The following PKD1 variants were observed in gnomAD, a reference collection of about 807,000 sequenced individuals.
PKD1 encodes polycystin 1, transient receptor potential channel interacting.
In PKD1, 81 loss-of-function variants were observed where a neutral mutation model predicts 361.7. That is an observed-to-expected ratio of 0.22 (90% confidence interval 0.19 to 0.27). PKD1 has a LOEUF of 0.27. Ranked by LOEUF, PKD1 falls within the 10% of genes least tolerant of loss-of-function variation. The probability of loss-of-function intolerance (pLI) is 1.00; values close to 1 mark genes in which losing one functional copy is unlikely to be tolerated. For synonymous variants in PKD1, 3,615 were observed against 2,818.3 expected, an observed-to-expected ratio of 1.28 and a Z score of -8.95; for missense variants, 6,399 against 6,118.3, an observed-to-expected ratio of 1.05 and a Z score of -1.53.
rs1234795215 is a variant in PKD1 at position 2,090,815 on chromosome 16, A to T, written c.12004-7T>A. ...AGCGTAGCTGCTGGGCAGCCTGCGG[A>T]CGAGAAATCTGTCTGCTTGCAGCCC... On this transcript the variant is annotated splice_region_variant and splice_polypyrimidine_tract_variant and intron_variant, in intron 43 of 45. Transcript: ENST00000262304. 1.2e-6 allele frequency: 2 copies of T among 1,612,242 alleles called. No individual in the cohort carries two copies. The highest frequency in any genetic ancestry group is 4.5e-5 in the East Asian group (2 of 44,876).
chr16:2,093,859 G>A lies in PKD1; in HGVS notation c.10773C>T (p.Ser3591=), dbSNP rs1168845943. 19 of 1,568,860 alleles carry A rather than the reference G, an allele frequency of 1.2e-5. No individual in the cohort carries two copies. The highest frequency in any genetic ancestry group is 1.5e-5 in the Non-Finnish European group (18 of 1,163,278). The change falls in exon 36 of 46, where the codon TCC becomes TCT. Residue 3591 remains serine, a synonymous_variant. Coordinates refer to ENST00000262304, the MANE Select transcript of PKD1 (RefSeq NM_001009944.3). The part of the protein sequence containing the change: ...PPGVSVAWLL[S]SSASFLASFL... ...ATGAGGCCAGGAAGCTGGCGCTGCT[G>A]GACAGGAGCCACGCAACACTCACGC... is the stretch of plus-strand genomic sequence containing the variant.
At position 2,118,341 on chromosome 16, in the gene PKD1, G is replaced by A. The variant is rs1305013875; in HGVS notation, c.651C>T (p.Thr217=). ...PEACSAFCFS[T]GQGLAALSEQ... is the part of the protein sequence containing the mutation. Reference sequence around the variant, plus strand: ...CCGAGAGGGCTGCGAGGCCCTGGCCGGTGGAGAAGCAGAAGGCGCTGCAGG... The same window carrying A: ...CCGAGAGGGCTGCGAGGCCCTGGCCAGTGGAGAAGCAGAAGGCGCTGCAGG... The change falls in exon 5 of 46, where the codon ACC becomes ACT. Residue 217 remains threonine, a synonymous_variant. Coordinates refer to ENST00000262304, the MANE Select transcript of PKD1 (RefSeq NM_001009944.3). This position sits in a 1 kb window ranked among gnomAD's most constrained non-coding sequence, Gnocchi z 6.0. 67 of 1,458,144 alleles carry A rather than the reference G, an allele frequency of 4.6e-5. No individual in the cohort carries two copies. Among genetic ancestry groups the A allele is most frequent in the Admixed American group, 7.9e-5 (4 of 50,866 alleles). The allele number at this position is 1,458,144 out of a possible 1,614,324, so 90.3% of individuals were successfully genotyped here.
At chr16:2,101,885 C>T (rs1341107507) in intron 26 of PKD1, 176 bp downstream of exon 26, 7 of 641,286 alleles carry the variant, frequency 1.1e-5, no homozygotes, top group African/African-American at 3.6e-5. Flanking sequence ...CTGTCCTAGT[C>T]CTCAGGGACA....
Position 2,105,938 on chromosome 16 carries a change from G to A in PKD1, c.7790C>T (p.Pro2597Leu), listed in dbSNP as rs769133138. The change falls in exon 20 of 46, where the codon CCA becomes CTA. Residue 2597 changes from proline (P) to leucine (L), a missense_variant. By Grantham distance (98) the Pro-to-Leu change is moderately conservative. Transcript: ENST00000262304. Reference sequence around the variant, plus strand: ...GGGATCGGCCTGCCGCAGCAGCCCTGGGAGCACACTAGCGGTGAGCCCGTG... The same window carrying A: ...GGGATCGGCCTGCCGCAGCAGCCCTAGGAGCACACTAGCGGTGAGCCCGTG... The part of the protein sequence containing the change: ...WLHGLTASVL[P>L]GLLRQADPQH... 1.9e-5 allele frequency: 30 copies of A among 1,598,240 alleles called. No homozygotes were observed. The highest frequency in any genetic ancestry group is 2.5e-5 in the Non-Finnish European group (29 of 1,179,660).
chr16:2,120,216 A>T (rs1339679993), intron 1 of PKD1: 1 of 267,048 alleles, frequency 3.7e-6, no homozygotes, highest in Non-Finnish European at 7.1e-6. Context: ...TACCTCAAAA[A>T]TAAATAAATA....
chr16:2,110,303 C>A lies in PKD1; in HGVS notation c.4864G>T (p.Asp1622Tyr). 6.2e-7 allele frequency: 1 copy of A among 1,612,648 alleles called. No homozygotes were observed. The highest frequency in any genetic ancestry group is 8.5e-7 in the Non-Finnish European group (1 of 1,179,852). Residue 1622 changes from aspartate (D) to tyrosine (Y), a missense_variant, in exon 15 of 46, where the codon GAC becomes TAC. Transcript: ENST00000262304. Reference sequence around the variant, plus strand: ...TGCAGGACATAGACGAAGATGCTGTCCTGGGCGGAGCCCACCTCGTTCTCA... The same window carrying A: ...TGCAGGACATAGACGAAGATGCTGTACTGGGCGGAGCCCACCTCGTTCTCA... ...TAENEVGSAQ[D>Y]SIFVYVLQLI...
Position 2,092,786 on chromosome 16 carries a change from G to C in PKD1, c.11156+168C>G, listed in dbSNP as rs1403508968. On this transcript the variant is annotated intron_variant, in intron 38 of 45. Coordinates refer to ENST00000262304, the MANE Select transcript of PKD1 (RefSeq NM_001009944.3). ...CATGGGCCCGTCCTGTGCACTGCAA[G>C]ACACGGACCTGTGTCCCTCCCCTCT... 12 of 894,110 alleles carry C rather than the reference G, an allele frequency of 1.3e-5. No individual in the cohort carries two copies. The East Asian group carries it at 2.7e-4, about 20-fold the overall frequency. 55.4% of individuals were successfully genotyped at this position (894,110 alleles called of 1,614,324 possible).
At position 2,117,659 on chromosome 16, in the gene PKD1, G is replaced by A; in HGVS notation, c.1215C>T (p.Leu405=). 6.2e-7 allele frequency: 1 copy of A among 1,610,260 alleles called. No individual in the cohort carries two copies. Among genetic ancestry groups the A allele is most frequent in the Non-Finnish European group, 8.5e-7 (1 of 1,179,396 alleles). The part of the protein sequence containing the change: ...GEEPARAVHP[L]CPSDTEIFPG... ...GGAAGATCTCCGTGTCCGAGGGGCA[G>A]AGCGGGTGCACCGCTGGAGACCGGT... The change falls in exon 6 of 46, where the codon CTC becomes CTT. Residue 405 remains leucine (L), a synonymous_variant. Coordinates refer to ENST00000262304, the MANE Select transcript of PKD1 (RefSeq NM_001009944.3).
Position 2,119,529 on chromosome 16 carries a change from T to C in PKD1, c.216-151A>G. The C allele has an allele frequency of 4.3e-6, 3 of 699,480 alleles. No individual in the cohort carries two copies. The South Asian group carries it at 4.5e-5, about 10-fold the overall frequency. The allele number at this position is 699,480 out of a possible 1,614,324, so 43.3% of individuals were successfully genotyped here. ...CAGAGGTCAGGAGGGGACTTTCTGA[T>C]GGAAGACCCAAATGAACACTCATCT... On this transcript the variant is annotated intron_variant, in intron 1 of 45. Coordinates refer to ENST00000262304, the MANE Select transcript of PKD1 (RefSeq NM_001009944.3).
At chr16:2,090,621 A>ACAGCTGAGCT (rs1360984410) in intron 44 of PKD1, 31 bp from the exon 45 acceptor site, 2 of 1,609,060 alleles carry the variant, frequency 1.2e-6, no homozygotes, top group Non-Finnish European at 1.7e-6. Context: ...GTGAGGGCGT[A>ACAGCTGAGCT]CAGCTGAGCT....
In PKD1 at chr16:2,114,196, C is replaced by A; in HGVS notation, c.2827G>T (p.Ala943Ser). ...CGLRATPSPE[A>S]RVLQGVLVRY... Reference sequence around the variant, plus strand: ...ACTAGGACTCCCTGCAGTACACGGGCCTCGGGGCTGGGCGTGGCGCGGAGG... The same window carrying A: ...ACTAGGACTCCCTGCAGTACACGGGACTCGGGGCTGGGCGTGGCGCGGAGG... The change falls in exon 11 of 46, where the codon GCC becomes TCC. Residue 943 changes from alanine (A) to serine (S), a missense_variant. Ala to Ser is a moderately conservative substitution (Grantham distance 99). Transcript: ENST00000262304. The A allele has an allele frequency of 6.2e-7, 1 of 1,608,588 alleles. No homozygotes were observed. Among genetic ancestry groups the A allele is most frequent in the East Asian group, 2.2e-5 (1 of 44,874 alleles).
At chr16:2,131,467 T>G (rs1167821648) in intron 1 of PKD1, among the ~76,000 whole-genome samples, 1 of 150,810 alleles carries the variant, frequency 6.6e-6, no homozygotes, top group Non-Finnish European at 1.5e-5. Context: ...GAGATGGCAC[T>G]GCTGCACTCC....
At chr16:2,116,195 C>G (rs1379642333) in intron 8 of PKD1, 77 bp from the exon 9 acceptor site, 2 of 1,473,096 alleles carry the variant, frequency 1.4e-6, no homozygotes, top group Non-Finnish European at 1.9e-6. Context: ...CCCGAACTTC[C>G]CAGGAAGAGG....
Position 2,118,049 on chromosome 16 carries a change from C to T in PKD1, c.943G>A (p.Asp315Asn), listed in dbSNP as rs745846699. 4.4e-6 allele frequency: 7 copies of T among 1,604,032 alleles called. No homozygotes were observed. The highest frequency in any genetic ancestry group is 5.1e-6 in the Non-Finnish European group (6 of 1,179,240). Residue 315 changes from aspartate (D) to asparagine (N), a missense_variant, in exon 5 of 46, where the codon GAT becomes AAT. Physicochemically the swap from Asp to Asn is conservative, Grantham distance 23. Transcript: ENST00000262304. The surrounding 1 kb of genome is among the most constrained non-coding windows in gnomAD (Gnocchi z 6.0). Reference sequence around the variant, plus strand: ...TGCGAGGCAGCCGGCCCAGCGGCATCCACCTCGGCGGAGCCGTCTCCGAAG... The same window carrying T: ...TGCGAGGCAGCCGGCCCAGCGGCATTCACCTCGGCGGAGCCGTCTCCGAAG... ...WDFGDGSAEV[D>N]AAGPAASHRY... is the part of the protein sequence containing the mutation.
Position 2,104,589 on chromosome 16 carries a change from C to A in PKD1, c.8070G>T (p.Lys2690Asn), listed in dbSNP as rs1479606527. The change falls in exon 22 of 46, where the codon AAG (lysine) becomes AAT (asparagine). Residue 2690 changes from lysine to asparagine, a missense_variant. Lys to Asn is a moderately conservative substitution (Grantham distance 94). Coordinates refer to ENST00000262304, the MANE Select transcript of PKD1 (RefSeq NM_001009944.3). ...GCAGGATGAGCATCATGGCCTCCAG[C>A]TTGTGCAGCGTCTGCTTCAGGCACG... ...CRSCLKQTLH[K>N]LEAMMLILQA... is the part of the protein sequence containing the mutation. The A allele has an allele frequency of 2.5e-6, 4 of 1,598,938 alleles. No individual in the cohort carries two copies. Among genetic ancestry groups the A allele is most frequent in the Non-Finnish European group, 3.4e-6 (4 of 1,174,310 alleles).
chr16:2,106,347 G>A lies in PKD1; in HGVS notation c.7490-43C>T, dbSNP rs4080088. 3.9e-5 allele frequency: 63 copies of A among 1,603,066 alleles called. 1 individual carries two copies. The highest frequency in any genetic ancestry group is 2.3e-4 in the Middle Eastern group (1 of 4,444). ...CGGCATCACGGGAGGGCTCCGTGAC[G>A]TCACAGAGTCGGGGGATCCCGCTGC... is the stretch of plus-strand genomic sequence containing the variant. On this transcript the variant is annotated intron_variant, in intron 18 of 45. Coordinates refer to ENST00000262304, the MANE Select transcript of PKD1 (RefSeq NM_001009944.3). The surrounding 1 kb of genome is among the most constrained non-coding windows in gnomAD (Gnocchi z 6.5).
chr16:2,090,811 G>A lies in PKD1; in HGVS notation c.12004-3C>T, dbSNP rs975452759. On this transcript the variant is annotated splice_region_variant and splice_polypyrimidine_tract_variant and intron_variant, in intron 43 of 45. Coordinates refer to ENST00000262304, the MANE Select transcript of PKD1 (RefSeq NM_001009944.3). ...ACGAAGCGTAGCTGCTGGGCAGCCT[G>A]CGGACGAGAAATCTGTCTGCTTGCA... 3.3e-5 allele frequency: 54 copies of A among 1,612,184 alleles called. No homozygotes were observed. The highest frequency in any genetic ancestry group is 4.4e-5 in the Non-Finnish European group (52 of 1,179,950).
rs2091477956 is a variant in PKD1, at chr16:2,090,827, T to C, written c.12004-19A>G. 4.3e-6 allele frequency: 7 copies of C among 1,611,708 alleles called. No homozygotes were observed. Among genetic ancestry groups the C allele is most frequent in the Non-Finnish European group, 5.9e-6 (7 of 1,179,936 alleles). On this transcript the variant is annotated intron_variant, in intron 43 of 45. Transcript: ENST00000262304. The stretch of plus-strand genomic sequence containing the variant: ...GGGCAGCCTGCGGACGAGAAATCTG[T>C]CTGCTTGCAGCCCTGGGGTGTGCGC...
chr16:2,129,337 A>T (rs545013123), intron 1 of PKD1, among the ~76,000 whole-genome samples: 6 of 150,140 alleles, frequency 4.0e-5, no homozygotes, highest in Non-Finnish European at 3.0e-5. Flanking sequence ...TGGTCTCGCT[A>T]TGTTGCCCAG....
Sources: gnomAD v4.1 joint callset for allele counts (sites outside exome capture counted in the v4.1 genomes callset) on GRCh38, gnomAD v4.1.1 for gene constraint, Gnocchi (gnomAD v3.1) non-coding constraint, MANE v1.5 for transcripts, NCBI Gene and HGNC (gene_info 2026-07-23, HGNC 2026-07-21) for gene names.